ABL1: variants seen among roughly 807,000 people sequenced by gnomAD.
ABL1 encodes ABL proto-oncogene 1, non-receptor tyrosine kinase, also known as tyrosine-protein kinase ABL1.
ABL1 carries 11 observed loss-of-function variants against 94.7 expected under a neutral mutation model. That is an observed-to-expected ratio of 0.12 (90% CI 0.07 to 0.19). The LOEUF is 0.19. ABL1 is among the 10% of genes least tolerant of loss of function. The pLI, the probability that ABL1 is intolerant of heterozygous loss-of-function variation, is 1.00. For synonymous variants in ABL1, 656 were observed against 622.4 expected (o/e 1.05, Z -0.80); for missense variants, 1,082 against 1,489.4 (o/e 0.73, Z 4.50).
At position 130,749,967 on chromosome 9, in the gene ABL1, A is replaced by C. The variant is rs527768313; in HGVS notation, c.136+35512A>C. 3.3e-5 allele frequency among the ~76,000 whole-genome samples: 5 copies of C among 151,856 alleles called. No homozygotes were observed. In the East Asian group the frequency reaches 9.7e-4, roughly 29 times the overall value. On this transcript the variant is annotated intron_variant, in intron 1 of 10. Coordinates refer to the ABL1 transcript ENST00000372348. ...GGCGGGAGGATCACTTGAGCCCAGG[A>C]GTTTGAGACCAGCCTGGGCAACATG...
exon 1 of ABL1, chr9:130,714,132 A>G: frequency 2.2e-6 from 1 of 454,026 alleles, no homozygotes; most frequent in Non-Finnish European, 3.7e-6. Flanking sequence ...TCCTGCTTGC[A>G]AGTGTCAACC....
At chr9:130,775,101 A>G (rs745463180) in intron 1 of ABL1, among the ~76,000 whole-genome samples, 8 of 152,226 alleles carry the variant, frequency 5.3e-5, no homozygotes, top group Non-Finnish European at 1.2e-4. Context: ...CTAGGTTGCT[A>G]GAGTTCCTAG....
At chr9:130,756,136 A>G (rs1304125314) in intron 1 of ABL1, among the ~76,000 whole-genome samples, 1 of 152,176 alleles carries the variant, frequency 6.6e-6, no homozygotes, top group Admixed American at 6.6e-5. Context: ...TTTTAAATGA[A>G]AAGATCAACA....
chr9:130,741,826 G>A (rs1430037351), intron 1 of ABL1, among the ~76,000 whole-genome samples: 1 of 152,176 alleles, frequency 6.6e-6, no homozygotes, highest in Non-Finnish European at 1.5e-5. Flanking sequence ...ACCTAGTGTA[G>A]AGAAAAACAG....
rs555934220 is a variant in ABL1 at position 130,855,802 on chromosome 9, G to A, written c.549+706G>A. The stretch of plus-strand genomic sequence containing the variant: ...AGGGAGGCATAAAGAGATCTTGCCC[G>A]ATGTCAACCTAGTGAGTCACTGATG... On this transcript the variant is annotated intron_variant, in intron 3 of 10. Coordinates refer to ENST00000318560, the MANE Select transcript of ABL1 (RefSeq NM_005157.6). Among the ~76,000 whole-genome samples, 9 of 152,296 alleles carry A rather than the reference G, an allele frequency of 5.9e-5. No individual in the cohort carries two copies. The South Asian group carries it at 1.0e-3, about 18-fold the overall frequency.
At chr9:130,741,233 GGCACCCAC>G (rs1333321692) in intron 1 of ABL1, among the ~76,000 whole-genome samples, 6 of 152,142 alleles carry the variant, frequency 3.9e-5, no homozygotes, top group African/African-American at 1.4e-4. Flanking sequence ...GGTGCTGCCT[GGCACCCAC>G]AAATGCCACA....
intron 1 of ABL1, among the ~76,000 whole-genome samples, chr9:130,813,042 C>T (rs574430092): frequency 7.9e-5 from 12 of 151,674 alleles, no homozygotes; most frequent in Admixed American, 3.3e-4. Flanking sequence ...GGTGAAACCC[C>T]GTCTCTACGA....
Position 130,883,814 on chromosome 9 carries a change from T to TTTTG in ABL1, c.1679-135_1679-132dup, listed in dbSNP as rs544947423. Among the ~76,000 whole-genome samples the TTTTG allele has an allele frequency of 8.5e-5, 13 of 152,238 alleles. 1 individual carries two copies. Among genetic ancestry groups the TTTTG allele is most frequent in the Middle Eastern group, 6.8e-3 (2 of 294 alleles). On this transcript the variant is annotated intron_variant, in intron 10 of 10. Transcript: ENST00000318560. ...AAGAAGGGATGACCTTTGACAATTT[T>TTTTG]TTTGTTTGTTTGTTTGTTTGTTTTG...
At chr9:130,755,520 T>G (rs758085174) in intron 1 of ABL1, among the ~76,000 whole-genome samples, 18 of 152,156 alleles carry the variant, frequency 1.2e-4, no homozygotes, top group Non-Finnish European at 2.4e-4. Context: ...TATCTGCATG[T>G]TCGTGGTCTC....
chr9:130,867,743 C>A (rs1462795183), intron 4 of ABL1, among the ~76,000 whole-genome samples: 1 of 152,218 alleles, frequency 6.6e-6, no homozygotes, highest in Non-Finnish European at 1.5e-5. Context: ...AAGGAGGGCT[C>A]GGAGCCTGCT....
At chr9:130,716,209 C>G (rs566597155) in intron 1 of ABL1, among the ~76,000 whole-genome samples, 1 of 151,134 alleles carries the variant, frequency 6.6e-6, no homozygotes, top group African/African-American at 2.4e-5. Flanking sequence ...ATTCTCCTGC[C>G]TCAGCCTCCC....
intron 1 of ABL1, among the ~76,000 whole-genome samples, chr9:130,850,097 C>T (rs114426889): frequency 2.5e-4 from 38 of 152,332 alleles, no homozygotes; most frequent in African/African-American, 8.9e-4. Flanking sequence ...CACACTACCA[C>T]TGTCTGCTGC....
chr9:130,723,131 G>A (rs1381122233), intron 1 of ABL1, among the ~76,000 whole-genome samples: 3 of 152,222 alleles, frequency 2.0e-5, no homozygotes, highest in Admixed American at 2.0e-4. Context: ...GCTTCAGTAA[G>A]AGGAGGTCTC....
chr9:130,791,832 G>C (rs923055380), intron 1 of ABL1, among the ~76,000 whole-genome samples: 7 of 152,044 alleles, frequency 4.6e-5, no homozygotes, highest in Non-Finnish European at 8.8e-5. Flanking sequence ...ACCTCATATC[G>C]TGGGACTTTG....
At chr9:130,793,748 G>GTA (rs1249006687) in intron 1 of ABL1, among the ~76,000 whole-genome samples, 1 of 152,126 alleles carries the variant, frequency 6.6e-6, no homozygotes, top group Non-Finnish European at 1.5e-5. Context: ...GAACCAGGCC[G>GTA]TATAGCAGGT....
chr9:130,869,649 C>G (rs1831219565), intron 4 of ABL1, among the ~76,000 whole-genome samples: 1 of 152,208 alleles, frequency 6.6e-6, no homozygotes, highest in South Asian at 2.1e-4. Flanking sequence ...AGCTTTCACT[C>G]AAAGTGTTTC....
chr9:130,884,311 G>T lies in ABL1; in HGVS notation c.2021G>T (p.Arg674Leu). The change falls in exon 11 of 11, where the codon CGG becomes CTG. Residue 674 changes from arginine to leucine, a missense_variant. Physicochemically the swap from Arg to Leu is moderately radical, Grantham distance 102. Around this residue, in one of 7 missense-constraint regions of ABL1, gnomAD observed 780 missense variants for 835.8 expected, o/e 0.93. Coordinates refer to ENST00000318560, the MANE Select transcript of ABL1 (RefSeq NM_005157.6). This position sits in a 1 kb window ranked among gnomAD's most constrained non-coding sequence, Gnocchi z 5.6. ...GCTGGGGTCCCCAATGGAGCCCTCC[G>T]GGAGTCCGGGGGCTCAGGCTTCCGG... ...NGAGVPNGAL[R>L]ESGGSGFRSP... is the part of the protein sequence containing the mutation. The T allele has an allele frequency of 6.2e-7, 1 of 1,611,028 alleles. No individual in the cohort carries two copies.
rs530074451 is a variant in ABL1, at chr9:130,787,851, G to A, written c.137-66213G>A. 8.1e-4 allele frequency among the ~76,000 whole-genome samples: 123 copies of A among 152,292 alleles called. 2 individuals are homozygous for A. Among genetic ancestry groups the A allele is most frequent in the African/African-American group, 2.9e-3 (120 of 41,552 alleles). Reference sequence around the variant, plus strand: ...CCTGTGCTCTGTGAAGGGTCACAGGGTTTGCGTGTCCCATTTCTCCTTGGA... The same window carrying A: ...CCTGTGCTCTGTGAAGGGTCACAGGATTTGCGTGTCCCATTTCTCCTTGGA... On this transcript the variant is annotated intron_variant, in intron 1 of 10. Transcript: ENST00000372348.
At chr9:130,771,120 A>G (rs1249215954) in intron 1 of ABL1, among the ~76,000 whole-genome samples, 1 of 152,242 alleles carries the variant, frequency 6.6e-6, no homozygotes, top group African/African-American at 2.4e-5. Context: ...AAAGTGTACT[A>G]AAAACATTCA....
Sources: allele counts gnomAD v4.1 joint callset (sites outside exome capture counted in the v4.1 genomes callset), GRCh38; gene constraint gnomAD v4.1.1; regional missense constraint gnomAD v4.1.1; non-coding constraint Gnocchi (gnomAD v3.1); transcripts MANE v1.5; gene names NCBI Gene and HGNC (gene_info 2026-07-23, HGNC 2026-07-21).